The following C4orf50 variants were observed in gnomAD, a reference collection of about 807,000 sequenced individuals.
C4orf50 encodes chromosome 4 open reading frame 50, also known as uncharacterized protein C4orf50.
In C4orf50, 80 loss-of-function variants were observed where a neutral mutation model predicts 77.2. The observed-to-expected ratio is 1.04, with a 90% CI of 0.87 to 1.25. The LOEUF (loss-of-function observed/expected upper bound fraction) is 1.25, where lower values mean the gene tolerates loss of function less well. C4orf50 is among the 50% of genes most tolerant of loss of function. The probability of loss-of-function intolerance (pLI) is 0.00; values close to 1 mark genes in which losing one functional copy is unlikely to be tolerated. For synonymous variants in C4orf50, 532 were observed against 465.3 expected (o/e 1.14, Z -1.84); for missense variants, 1,257 against 1,152.9 (o/e 1.09, Z -1.31).
At chr4:6,003,419 A>G (rs919367663) in intron 25 of C4orf50, among the ~76,000 whole-genome samples, 1 of 150,920 alleles carries the variant, frequency 6.6e-6, no homozygotes, top group Non-Finnish European at 1.5e-5. Flanking sequence ...GATGAGGAGG[A>G]GGGTGGCAAT....
Position 6,007,349 on chromosome 4 carries a change from C to T in C4orf50, c.963+647G>A, listed in dbSNP as rs764640701. 1.4e-4 allele frequency among the ~76,000 whole-genome samples: 21 copies of T among 151,970 alleles called. No individual in the cohort carries two copies. Among genetic ancestry groups the T allele is most frequent in the Non-Finnish European group, 3.1e-4 (21 of 67,998 alleles). ...GGTAATTAGGTCCTGAGGGTGGAGG[C>T]TTCATGAATGGTATTAGTACCCTTA... On this transcript the variant is annotated intron_variant, in intron 25 of 33. Transcript: ENST00000531445. This position sits in a 1 kb window ranked among gnomAD's most constrained non-coding sequence, Gnocchi z 4.1.
intron 27 of C4orf50, among the ~76,000 whole-genome samples, chr4:5,991,343 G>A (rs1410883625): frequency 2.0e-5 from 3 of 152,200 alleles, no homozygotes; most frequent in Admixed American, 2.0e-4. Flanking sequence ...ACTGTCTTGG[G>A]CAGTGCAGAT....
At chr4:6,013,715 TC>T (rs1722572506) in intron 23 of C4orf50, among the ~76,000 whole-genome samples, 2 of 152,006 alleles carry the variant, frequency 1.3e-5, no homozygotes, top group Admixed American at 1.3e-4. Context: ...TGCAGCTGGG[TC>T]CAAAGATGGA....
intron 7 of C4orf50, chr4:5,904,747 A>G (rs1199935351): frequency 2.0e-5 from 3 of 152,226 alleles, no homozygotes; most frequent in Non-Finnish European, 4.4e-5. Flanking sequence ...GTTCACATGC[A>G]TACAACTTTT....
At chr4:5,912,181 A>G (rs1716835945) in intron 7 of C4orf50, among the ~76,000 whole-genome samples, 1 of 152,176 alleles carries the variant, frequency 6.6e-6, no homozygotes, top group Non-Finnish European at 1.5e-5. Context: ...AGCTGCTGAT[A>G]TGTTGGTAAG....
intron 33 of C4orf50, among the ~76,000 whole-genome samples, chr4:5,961,490 T>G (rs372367166): frequency 6.6e-6 from 1 of 152,256 alleles, no homozygotes; most frequent in South Asian, 2.1e-4. Context: ...ATTGATTCAT[T>G]GCATCTTTAC....
chr4:5,982,160 G>C (rs147243189), intron 28 of C4orf50, among the ~76,000 whole-genome samples: 1 of 152,248 alleles, frequency 6.6e-6, no homozygotes, highest in East Asian at 1.9e-4. Context: ...TCAGCTTCAA[G>C]ACGTCAAAAC....
intron 24 of C4orf50, among the ~76,000 whole-genome samples, chr4:6,010,986 G>A (rs1722472449): frequency 6.6e-6 from 1 of 152,186 alleles, no homozygotes; most frequent in Non-Finnish European, 1.5e-5. Context: ...GAGAGGTTAA[G>A]TCACTTGCCC....
intron 7 of C4orf50, among the ~76,000 whole-genome samples, chr4:5,921,458 G>C (rs975362009): frequency 4.6e-5 from 7 of 152,212 alleles, no homozygotes; most frequent in Admixed American, 3.3e-4. Context: ...GCACATATAG[G>C]GGAAGGGATG....
intron 7 of C4orf50, among the ~76,000 whole-genome samples, chr4:5,944,773 G>C (rs745985684): frequency 6.6e-6 from 1 of 152,152 alleles, no homozygotes; most frequent in African/African-American, 2.4e-5. Flanking sequence ...AGGGCTCAGC[G>C]GCACGGTGGG....
rs1000998359 is a variant in C4orf50 at position 5,932,952 on chromosome 4, T to C, written c.*2474+23949A>G. On this transcript the variant is annotated intron_variant, in intron 7 of 7. Transcript: ENST00000324058. The surrounding 1 kb of genome is among the most constrained non-coding windows in gnomAD (Gnocchi z 4.2). ...GCCACTCAATAAATGGCGGAAACCA[T>C]ATTATCATTAATATTAAAGACCGTC... Among the ~76,000 whole-genome samples the C allele has an allele frequency of 1.3e-5, 2 of 152,324 alleles. No homozygotes were observed. The highest frequency in any genetic ancestry group is 6.5e-5 in the Admixed American group (1 of 15,302).
At position 5,989,747 on chromosome 4, in the gene C4orf50, CTG is replaced by C; in HGVS notation, c.2297_2298del (p.Thr766ArgfsTer13). On this transcript the variant is annotated frameshift_variant, in exon 28 of 34. Transcript: ENST00000531445. LOFTEE classifies it high-confidence loss of function. Reference sequence around the variant, plus strand: ...GCAAATCTGGGAAACAGTGGCAAACCTGTCTCTCCTGCAAAGAAAAGCATTTC... The same window carrying C: ...GCAAATCTGGGAAACAGTGGCAAACCTCTCTCCTGCAAAGAAAAGCATTTC... 6.5e-7 allele frequency: 1 copy of C among 1,534,446 alleles called. No homozygotes were observed. Among genetic ancestry groups the C allele is most frequent in the Non-Finnish European group, 8.7e-7 (1 of 1,145,590 alleles).
intron 7 of C4orf50, among the ~76,000 whole-genome samples, chr4:5,948,620 T>G (rs1718587008): frequency 6.6e-6 from 1 of 151,956 alleles, no homozygotes; most frequent in African/African-American, 2.4e-5. Flanking sequence ...CATAGTGAAA[T>G]CCCGTCTCTA....
chr4:5,989,564 G>A lies in C4orf50; in HGVS notation c.2482C>T (p.Gln828Ter), dbSNP rs1208336229. The change falls in exon 28 of 34, where the codon CAG becomes TAG. Residue 828 changes from glutamine (Q) to a stop codon, truncating the protein, a stop_gained. Transcript: ENST00000531445. LOFTEE classifies it high-confidence loss of function. ...CCCCTACATGCAGAGGCTGAGCACT[G>A]CCAGCCCCTGCTGCCCGGCTGCAGG... 1.3e-6 allele frequency: 2 copies of A among 1,535,962 alleles called. No homozygotes were observed. The highest frequency in any genetic ancestry group is 1.2e-5 in the South Asian group (1 of 84,058).
rs1042687206 is a variant in C4orf50 at position 5,900,502 on chromosome 4, T to C, written c.*2475-2314A>G. ...GCTTCCCCAGGGCGAAATGCAGGCA[T>C]GAATTCCACACAAAATGAAAGAATT... is the stretch of plus-strand genomic sequence containing the variant. On this transcript the variant is annotated intron_variant, in intron 7 of 7. Coordinates refer to the C4orf50 transcript ENST00000324058. The surrounding 1 kb of genome is among the most constrained non-coding windows in gnomAD (Gnocchi z 4.3). 3.3e-5 allele frequency: 5 copies of C among 152,200 alleles called. No homozygotes were observed. The highest frequency in any genetic ancestry group is 2.1e-4 in the South Asian group (1 of 4,826). 9.4% of individuals were successfully genotyped at this position (152,200 alleles called of 1,614,324 possible). A position where few individuals can be genotyped will look rare whatever the true frequency, so the allele number is the denominator to read the frequency against.
chr4:5,904,638 C>T (rs1374674419), intron 7 of C4orf50: 1 of 152,182 alleles, frequency 6.6e-6, no homozygotes, highest in Admixed American at 6.5e-5. Flanking sequence ...GGACAGAGTC[C>T]TTTCTGCCGA....
In C4orf50 at chr4:5,919,016, T is replaced by A. The variant is rs756670698; in HGVS notation, c.*2475-20828A>T. ...ATGGGGAAACTGAGACCCGGAGGAGTCAAAGGGCTTGCCCAAGTCTCGGTG... is the reference window on the plus strand; with the variant it reads ...ATGGGGAAACTGAGACCCGGAGGAGACAAAGGGCTTGCCCAAGTCTCGGTG... On this transcript the variant is annotated intron_variant, in intron 7 of 7. Coordinates refer to the C4orf50 transcript ENST00000324058. This position sits in a 1 kb window ranked among gnomAD's most constrained non-coding sequence, Gnocchi z 6.5. Among the ~76,000 whole-genome samples the A allele has an allele frequency of 4.4e-4, 67 of 151,682 alleles. No homozygotes were observed. The highest frequency in any genetic ancestry group is 8.7e-4 in the Non-Finnish European group (59 of 67,904).
At chr4:5,944,176 G>A (rs368220443) in intron 7 of C4orf50, among the ~76,000 whole-genome samples, 1 of 152,190 alleles carries the variant, frequency 6.6e-6, no homozygotes, top group Non-Finnish European at 1.5e-5. Context: ...CCTCCCCATG[G>A]AGAGTCATAG....
At chr4:5,988,688 G>A (rs773937539) in exon 28 of C4orf50, 3 of 1,536,084 alleles carry the variant, frequency 2.0e-6, no homozygotes, top group African/African-American at 1.4e-5. Flanking sequence ...CCCTGGAGGT[G>A]CTCCCTTCCC....
Sources: gnomAD v4.1 joint callset for allele counts (sites outside exome capture counted in the v4.1 genomes callset) on GRCh38, gnomAD v4.1.1 for gene constraint, Gnocchi (gnomAD v3.1) non-coding constraint, MANE v1.5 for transcripts, NCBI Gene and HGNC (gene_info 2026-07-23, HGNC 2026-07-21) for gene names.